PCDHGB1: variants seen among roughly 807,000 people sequenced by gnomAD.
PCDHGB1 encodes protocadherin gamma subfamily B, 1.
In PCDHGB1, 34 loss-of-function variants were observed where a neutral mutation model predicts 56.6. That is an observed-to-expected ratio of 0.60 (90% CI 0.46 to 0.80). The LOEUF (loss-of-function observed/expected upper bound fraction) is 0.80. Ranked by LOEUF, PCDHGB1 falls within the 30% of genes least tolerant of loss-of-function variation. The pLI is 0.00. For synonymous variants in PCDHGB1, 561 were observed against 505.9 expected (o/e 1.11, Z -1.46); for missense variants, 1,278 against 1,204.6 (o/e 1.06, Z -0.90).
chr5:141,487,798 G>A lies in PCDHGB1; in HGVS notation c.2410-7009G>A, dbSNP rs1197016007. 6.7e-7 allele frequency: 1 copy of A among 1,498,792 alleles called. No homozygotes were observed. Among genetic ancestry groups the A allele is most frequent in the South Asian group, 1.3e-5 (1 of 78,368 alleles). 92.8% of individuals were successfully genotyped at this position (1,498,792 alleles called of 1,614,324 possible). On this transcript the variant is annotated intron_variant, in intron 1 of 3. Coordinates refer to ENST00000523390, the MANE Select transcript of PCDHGB1 (RefSeq NM_018922.3). The surrounding 1 kb of genome is among the most constrained non-coding windows in gnomAD (Gnocchi z 5.0). ...ACTGTTTCGTGAATTAACCAGAGTT[G>A]TCACAGTTTAGCATTGGGGGCGGGT...
chr5:141,423,184 C>G (rs747938944), intron 1 of PCDHGB1: 3 of 1,613,560 alleles, frequency 1.9e-6, no homozygotes, highest in Non-Finnish European at 2.5e-6. Context: ...CCACGGCCAG[C>G]CCCCTCTCTC....
chr5:141,494,936 G>C, intron 2 of PCDHGB1, 71 bp downstream of exon 2: 1 of 1,612,574 alleles, frequency 6.2e-7, no homozygotes, highest in South Asian at 1.1e-5. Flanking sequence ...GGAGGAGATG[G>C]GGGAGGGCCC....
At chr5:141,395,543 TGTGTG>T in intron 1 of PCDHGB1, 1 of 8,204 alleles carries the variant, frequency 1.2e-4, no homozygotes, top group Non-Finnish European at 2.0e-4. Context: ...TGCTATTGTT[TGTGTG>T]TGTGTGTGTG....
intron 1 of PCDHGB1, among the ~76,000 whole-genome samples, chr5:141,457,057 C>T (rs1224573005): frequency 6.6e-6 from 1 of 152,182 alleles, no homozygotes; most frequent in Non-Finnish European, 1.5e-5. Flanking sequence ...TTCATGCTTC[C>T]TTTTTGCCAG....
Position 141,403,170 on chromosome 5 carries a change from A to C in PCDHGB1, c.2409+50501A>C. On this transcript the variant is annotated intron_variant, in intron 1 of 3. Transcript: ENST00000523390. ...CGCATCGTCTCTAGAGGTAGGACGC[A>C]GCTTTTCTCTCTGAACCCGCGCAGC... is the stretch of plus-strand genomic sequence containing the variant. 1 of 1,614,048 alleles carries C rather than the reference A, an allele frequency of 6.2e-7. No homozygotes were observed. Among genetic ancestry groups the C allele is most frequent in the East Asian group, 2.2e-5 (1 of 44,886 alleles).
At chr5:141,354,250 C>T (rs1389170911) in intron 1 of PCDHGB1, among the ~76,000 whole-genome samples, 1 of 152,000 alleles carries the variant, frequency 6.6e-6, no homozygotes, top group Non-Finnish European at 1.5e-5. Context: ...GTTATTTACC[C>T]ATTGTTTTAG....
At chr5:141,384,353 C>T in intron 1 of PCDHGB1, 1 of 1,613,848 alleles carries the variant, frequency 6.2e-7, no homozygotes, top group South Asian at 1.1e-5. Context: ...GAGGATAATG[C>T]CCAGATCACT....
chr5:141,484,653 C>G (rs2099598614), intron 1 of PCDHGB1, among the ~76,000 whole-genome samples: 1 of 152,036 alleles, frequency 6.6e-6, no homozygotes, highest in Non-Finnish European at 1.5e-5. Flanking sequence ...AATGGCTACT[C>G]TCCCTCTCAG....
rs577239742 is a variant in PCDHGB1 at position 141,501,564 on chromosome 5, T to C, written c.2469-3829T>C. ...CATAAGATCATAGGCCCTGGAATCA[T>C]ATTAGGCTGGCTTTCAGGTTGCAAC... On this transcript the variant is annotated intron_variant, in intron 2 of 3. Coordinates refer to ENST00000523390, the MANE Select transcript of PCDHGB1 (RefSeq NM_018922.3). 5.9e-5 allele frequency among the ~76,000 whole-genome samples: 9 copies of C among 152,194 alleles called. No individual in the cohort carries two copies. The South Asian group carries it at 1.7e-3, about 28-fold the overall frequency.
At chr5:141,399,641 C>T (rs747527070) in intron 1 of PCDHGB1, 5 of 1,613,852 alleles carry the variant, frequency 3.1e-6, no homozygotes, top group Non-Finnish European at 4.2e-6. Context: ...TCCATGAGCG[C>T]GCAAAGTGGG....
rs1229623400 is a variant in PCDHGB1, at chr5:141,505,984, T to A, written c.2557+503T>A. 4.6e-5 allele frequency among the ~76,000 whole-genome samples: 7 copies of A among 152,198 alleles called. No homozygotes were observed. In the East Asian group the frequency reaches 1.4e-3, roughly 30 times the overall value. On this transcript the variant is annotated intron_variant, in intron 3 of 3. Coordinates refer to ENST00000523390, the MANE Select transcript of PCDHGB1 (RefSeq NM_018922.3). ...AGAAATCCCCAGCCGAGAGAACACC[T>A]CCTCTTTATGCGAGGCTCCTCTTTT...
intron 1 of PCDHGB1, among the ~76,000 whole-genome samples, chr5:141,430,213 A>G (rs892801149): frequency 6.6e-6 from 1 of 151,106 alleles, no homozygotes; most frequent in Non-Finnish European, 1.5e-5. Context: ...AAATTATTAT[A>G]TTATATGATT....
Position 141,487,564 on chromosome 5 carries a change from G to A in PCDHGB1, c.2410-7243G>A, listed in dbSNP as rs1436847912. ...AGTCACCCAGTGCACCTATGGCAGG[G>A]GAGCCTGTTCGCCCAAGCTGCCCAC... On this transcript the variant is annotated intron_variant, in intron 1 of 3. Coordinates refer to ENST00000523390, the MANE Select transcript of PCDHGB1 (RefSeq NM_018922.3). This position sits in a 1 kb window ranked among gnomAD's most constrained non-coding sequence, Gnocchi z 5.0. 3 of 1,614,178 alleles carry A rather than the reference G, an allele frequency of 1.9e-6. No homozygotes were observed. Among genetic ancestry groups the A allele is most frequent in the Non-Finnish European group, 2.5e-6 (3 of 1,180,040 alleles).
chr5:141,408,694 A>T (rs2095152952), intron 1 of PCDHGB1: 1 of 1,613,772 alleles, frequency 6.2e-7, no homozygotes, highest in African/African-American at 1.3e-5. Flanking sequence ...ATATAAACAT[A>T]AACTCAATTA....
In PCDHGB1 at chr5:141,505,471, G is replaced by A. The variant is rs766596231; in HGVS notation, c.2547G>A (p.Ala849=). The A allele has an allele frequency of 3.4e-5, 55 of 1,614,244 alleles. No individual in the cohort carries two copies. The highest frequency in any genetic ancestry group is 1.1e-4 in the East Asian group (5 of 44,880). ...AGATGCTGCAAGCCATGATCTTGGCGTCCGCCAGTGGTAAGTGGTGTCAGT... is the reference window on the plus strand; with the variant it reads ...AGATGCTGCAAGCCATGATCTTGGCATCCGCCAGTGGTAAGTGGTGTCAGT... ...DTEMLQAMIL[A]SASEAADGSS... Residue 849 remains alanine (A), a synonymous_variant, in exon 3 of 4, where the codon GCG becomes GCA. Coordinates refer to ENST00000523390, the MANE Select transcript of PCDHGB1 (RefSeq NM_018922.3).
At chr5:141,437,887 G>A (rs1289693561) in intron 1 of PCDHGB1, among the ~76,000 whole-genome samples, 12 of 151,946 alleles carry the variant, frequency 7.9e-5, no homozygotes, top group Admixed American at 3.3e-4. Flanking sequence ...ACAGGCACAC[G>A]CCACCACACC....
rs750397953 is a variant in PCDHGB1 at position 141,409,543 on chromosome 5, C to CA, written c.2409+56876dup. 2.4e-5 allele frequency: 38 copies of CA among 1,613,884 alleles called. No individual in the cohort carries two copies. The South Asian group carries it at 4.1e-4, about 17-fold the overall frequency. On this transcript the variant is annotated intron_variant, in intron 1 of 3. Transcript: ENST00000523390. ...CCTTGTATGTCGCTGACATCAACGACAACGCCCCAGTTTTCGACCAGACGT... is the reference window on the plus strand; with the variant it reads ...CCTTGTATGTCGCTGACATCAACGACAAACGCCCCAGTTTTCGACCAGACGT...
intron 1 of PCDHGB1, chr5:141,475,949 G>A: frequency 1.3e-6 from 1 of 758,910 alleles, no homozygotes; most frequent in South Asian, 1.9e-5. Flanking sequence ...TCCCCTTTCT[G>A]CGCCCCGGGA....
intron 2 of PCDHGB1, among the ~76,000 whole-genome samples, chr5:141,503,682 G>A (rs1430771639): frequency 1.3e-5 from 2 of 151,974 alleles, no homozygotes; most frequent in South Asian, 4.1e-4. Flanking sequence ...CTTTTGGGAA[G>A]GAGAATTGAG....
Sources: gnomAD v4.1 joint callset for allele counts (sites outside exome capture counted in the v4.1 genomes callset) on GRCh38, gnomAD v4.1.1 for gene constraint, Gnocchi (gnomAD v3.1) non-coding constraint, MANE v1.5 for transcripts, NCBI Gene and HGNC (gene_info 2026-07-23, HGNC 2026-07-21) for gene names.